Variants in LUC7L observed in about 807,000 individuals in gnomAD.
LUC7L encodes the protein LUC7 like.
Under a neutral mutation model 51.1 loss-of-function variants are expected in LUC7L, and 29 were observed. That is an observed-to-expected ratio of 0.57 (90% CI 0.42 to 0.77). LUC7L has a LOEUF of 0.77. Ranked by LOEUF, LUC7L falls within the 30% of genes least tolerant of loss-of-function variation. LUC7L has a pLI of 0.00. For synonymous variants in LUC7L, 181 were observed against 180.7 expected, an observed-to-expected ratio of 1.00 and a Z score of -0.01; for missense variants, 403 against 511.9, an observed-to-expected ratio of 0.79 and a Z score of 2.05.
At chr16:225,214 G>A (rs1296643588) in intron 2 of LUC7L, among the ~76,000 whole-genome samples, 4 of 152,078 alleles carry the variant, frequency 2.6e-5, no homozygotes, top group Admixed American at 6.5e-5. Context: ...CTGGCCGGGC[G>A]CAGTGTCTCA....
intron 5 of LUC7L, among the ~76,000 whole-genome samples, chr16:201,254 A>T (rs1009875892): frequency 3.3e-5 from 5 of 150,804 alleles, no homozygotes; most frequent in African/African-American, 1.2e-4. Context: ...AAAAAAAAAA[A>T]AAAAAAAAAA....
chr16:217,642 G>A (rs1440859743), intron 3 of LUC7L, among the ~76,000 whole-genome samples: 1 of 150,554 alleles, frequency 6.6e-6, no homozygotes, highest in Non-Finnish European at 1.5e-5. Context: ...AGGAGGCAGA[G>A]GTTGCAGTGG....
At chr16:204,874 T>C (rs1282967199) in intron 5 of LUC7L, among the ~76,000 whole-genome samples, 1 of 152,176 alleles carries the variant, frequency 6.6e-6, no homozygotes, top group African/African-American at 2.4e-5. Flanking sequence ...TTTATGGTAT[T>C]GCACTAAACA....
chr16:220,412 T>C (rs2049932331), intron 3 of LUC7L: 2 of 422,732 alleles, frequency 4.7e-6, no homozygotes, highest in South Asian at 8.2e-5. Flanking sequence ...AAAATGTAAT[T>C]AAAATTTTTA....
At chr16:189,536 G>T in intron 9 of LUC7L, 197 bp from the exon 10 acceptor site, 5 of 1,388,094 alleles carry the variant, frequency 3.6e-6, no homozygotes, top group Non-Finnish European at 4.7e-6. Flanking sequence ...CCTTTGCGAA[G>T]ATTTTTAATA....
At chr16:198,040 G>A (rs373827221) in intron 6 of LUC7L, among the ~76,000 whole-genome samples, 2 of 151,904 alleles carry the variant, frequency 1.3e-5, no homozygotes, top group Admixed American at 6.6e-5. Context: ...AGGCTGAGGC[G>A]GGCGGATCGC....
intron 3 of LUC7L, chr16:209,270 C>A (rs537606295): frequency 1.3e-5 from 2 of 152,162 alleles, no homozygotes; most frequent in East Asian, 3.9e-4. Context: ...GCGGGAGGAT[C>A]CATGAGGTCA....
At position 229,314 on chromosome 16, in the gene LUC7L, G is replaced by A; in HGVS notation, c.26C>T (p.Ala9Val). 6.5e-7 allele frequency: 1 copy of A among 1,529,592 alleles called. No homozygotes were observed. The highest frequency in any genetic ancestry group is 8.7e-7 in the Non-Finnish European group (1 of 1,145,244). 94.8% of individuals were successfully genotyped at this position (1,529,592 alleles called of 1,614,324 possible). A position where few individuals can be genotyped will look rare whatever the true frequency, so the allele number is the denominator to read the frequency against. MSAQAQMR[A>V]LLDQLMGTAR... ...CGTGCCCATGAGCTGGTCCAGCAGG[G>A]CCCGCATCTGCGCCTGGGCGGACAT... The change falls in exon 1 of 10, where the codon GCC becomes GTC. Residue 9 changes from alanine (A) to valine (V), a missense_variant. Physicochemically the swap from Ala to Val is moderately conservative, Grantham distance 64. Transcript: ENST00000293872.
At chr16:194,029 T>C (rs2049085673) in intron 6 of LUC7L, among the ~76,000 whole-genome samples, 1 of 151,956 alleles carries the variant, frequency 6.6e-6, no homozygotes, top group South Asian at 2.1e-4. Flanking sequence ...GGTCTCGATC[T>C]CCTGACCTCA....
intron 2 of LUC7L, among the ~76,000 whole-genome samples, chr16:222,248 T>C (rs775862956): frequency 6.6e-6 from 1 of 150,526 alleles, no homozygotes; most frequent in Non-Finnish European, 1.5e-5. Context: ...CGTGTCAAGT[T>C]ATAGAGTGCA....
chr16:201,317 T>C (rs2049321940), intron 5 of LUC7L, among the ~76,000 whole-genome samples: 1 of 150,266 alleles, frequency 6.7e-6, no homozygotes, highest in Non-Finnish European at 1.5e-5. Context: ...CATTACTCTG[T>C]CCCCTTCTAT....
rs573186896 is a variant in LUC7L at position 199,913 on chromosome 16, C to T, written c.511-675G>A. ...GCTGAGGCAGGAGAATCACTTGAACCTGGGAAGCGGAGGTTGCAGTGAGCC... is the reference window on the plus strand; with the variant it reads ...GCTGAGGCAGGAGAATCACTTGAACTTGGGAAGCGGAGGTTGCAGTGAGCC... On this transcript the variant is annotated intron_variant, in intron 5 of 9. Coordinates refer to ENST00000293872, the MANE Select transcript of LUC7L (RefSeq NM_201412.3). Among the ~76,000 whole-genome samples, 8 of 151,150 alleles carry T rather than the reference C, an allele frequency of 5.3e-5. No homozygotes were observed. In the East Asian group the frequency reaches 1.6e-3, roughly 30 times the overall value.
intron 1 of LUC7L, chr16:228,724 A>T: frequency 9.0e-6 from 11 of 1,228,472 alleles, no homozygotes; most frequent in Non-Finnish European, 1.1e-5. Context: ...AGCGCTGGCT[A>T]CACAGAGGCT....
intron 1 of LUC7L, chr16:228,059 T>C: frequency 1.8e-6 from 2 of 1,139,070 alleles, no homozygotes; most frequent in African/African-American, 3.2e-5. Context: ...GGAAAAGTTT[T>C]CTTGCCCACA....
At chr16:200,737 C>A (rs1676912345) in intron 5 of LUC7L, among the ~76,000 whole-genome samples, 1 of 152,010 alleles carries the variant, frequency 6.6e-6, no homozygotes, top group Non-Finnish European at 1.5e-5. Context: ...AAATAATTAG[C>A]CCGCTGTGGT....
intron 3 of LUC7L, among the ~76,000 whole-genome samples, chr16:217,685 C>G (rs924290682): frequency 1.4e-5 from 2 of 147,724 alleles, no homozygotes; most frequent in African/African-American, 5.0e-5. Context: ...ACAGCCTGGG[C>G]AACAAGAGTG....
At chr16:202,985 T>C (rs2049376115) in intron 5 of LUC7L, among the ~76,000 whole-genome samples, 1 of 152,084 alleles carries the variant, frequency 6.6e-6, no homozygotes, top group South Asian at 2.1e-4. Flanking sequence ...CCGTCTTCTC[T>C]ACTAAAAATA....
intron 8 of LUC7L, 46 bp from the exon 9 acceptor site, chr16:190,181 C>T: frequency 6.6e-7 from 1 of 1,524,924 alleles, no homozygotes; most frequent in East Asian, 2.3e-5. Flanking sequence ...TAGGTGCCAA[C>T]ACTATGAGGG....
chr16:189,705 C>T, intron 9 of LUC7L: 2 of 1,356,964 alleles, frequency 1.5e-6, no homozygotes, highest in Non-Finnish European at 1.9e-6. Context: ...GTCTCAGCCA[C>T]TCTGAGCATG....
Sources: allele counts gnomAD v4.1 joint callset (sites outside exome capture counted in the v4.1 genomes callset), GRCh38; gene constraint gnomAD v4.1.1; transcripts MANE v1.5; gene names NCBI Gene and HGNC (gene_info 2026-07-23, HGNC 2026-07-21).